Variants in UNC45B observed in about 807,000 individuals in gnomAD.
The protein encoded by UNC45B is protein unc-45 homolog B.
A neutral mutation model predicts 98.7 loss-of-function variants in UNC45B; 78 were observed. The observed-to-expected ratio is 0.79, with a 90% CI of 0.66 to 0.95. UNC45B has a LOEUF of 0.95. Ranked by LOEUF, UNC45B falls within the 40% of genes least tolerant of loss-of-function variation. The probability of loss-of-function intolerance (pLI) is 0.00; values close to 1 mark genes in which losing one functional copy is unlikely to be tolerated. For synonymous variants in UNC45B, 462 were observed against 480.4 expected, an observed-to-expected ratio of 0.96 and a Z score of 0.50; for missense variants, 1,225 against 1,184.9, an observed-to-expected ratio of 1.03 and a Z score of -0.50.
intron 1 of UNC45B, 30 bp from the exon 2 acceptor site, chr17:35,148,234 G>C (rs764497527): frequency 6.2e-7 from 1 of 1,613,024 alleles, no homozygotes; most frequent in African/African-American, 1.3e-5. Flanking sequence ...GTGAGGGGCT[G>C]ACCAGACAGA....
In UNC45B at chr17:35,187,821, GCTAAGAT is replaced by G. The variant is rs1188661389; in HGVS notation, c.*1266_*1272del. On this transcript the variant is annotated 3_prime_UTR_variant, in exon 20 of 20. Transcript: ENST00000394570. ...TTGCCTTTTTAGCATGGTTAAGATA[GCTAAGAT>G]CTAGTACTGTCACTCCAGTATGTCC... The G allele has an allele frequency of 6.6e-6, 1 of 152,250 alleles. No individual in the cohort carries two copies. The highest frequency in any genetic ancestry group is 1.5e-5 in the Non-Finnish European group (1 of 68,044). 9.4% of individuals were successfully genotyped at this position (152,250 alleles called of 1,614,324 possible). A position where few individuals can be genotyped will look rare whatever the true frequency, so the allele number is the denominator to read the frequency against.
rs1263637986 is a variant in UNC45B at position 35,187,189 on chromosome 17, A to G, written c.*630A>G. ...GATGGACATGATGAATACAAATAAG[A>G]TCTACTCAAAGTACTTCAAACAAAA... On this transcript the variant is annotated 3_prime_UTR_variant, in exon 20 of 20. Coordinates refer to ENST00000394570, the MANE Select transcript of UNC45B (RefSeq NM_001267052.2). 1 of 152,826 alleles carries G rather than the reference A, an allele frequency of 6.5e-6. No homozygotes were observed. Among genetic ancestry groups the G allele is most frequent in the Admixed American group, 6.5e-5 (1 of 15,290 alleles). 9.5% of individuals were successfully genotyped at this position (152,826 alleles called of 1,614,324 possible).
In UNC45B at chr17:35,177,148, T is replaced by C. The variant is rs142465283; in HGVS notation, c.2139+18T>C. 192 of 1,608,596 alleles carry C rather than the reference T, an allele frequency of 1.2e-4. No homozygotes were observed. In the African/African-American group the frequency reaches 1.9e-3, roughly 16 times the overall value. On this transcript the variant is annotated intron_variant, in intron 16 of 19. Coordinates refer to ENST00000394570, the MANE Select transcript of UNC45B (RefSeq NM_001267052.2). ...GGGAGCGGGTAGGTGCTTGGGTAGA[T>C]GGGATAGGGCAATGGGAGGGGTCTC...
In UNC45B at chr17:35,164,145, A is replaced by G. The variant is rs41389545; in HGVS notation, c.1130A>G (p.Lys377Arg). 9.6e-3 allele frequency: 15,407 copies of G among 1,612,850 alleles called. 84 individuals are homozygous for G. The highest frequency in any genetic ancestry group is 0.011 in the Non-Finnish European group (13,226 of 1,179,386). Residue 377 changes from lysine (K) to arginine (R), a missense_variant, in exon 9 of 20, where the codon AAG becomes AGG. Coordinates refer to ENST00000394570, the MANE Select transcript of UNC45B (RefSeq NM_001267052.2). ...RCDPERDHFR[K>R]ICEEYITGKF... ...GACCCGGAGCGCGATCACTTCCGCAAGATCTGTGAGGAATATATCACGTAA... is the reference window on the plus strand; with the variant it reads ...GACCCGGAGCGCGATCACTTCCGCAGGATCTGTGAGGAATATATCACGTAA...
chr17:35,174,495 C>A, intron 14 of UNC45B, 126 bp downstream of exon 14: 1 of 1,370,854 alleles, frequency 7.3e-7, no homozygotes, highest in African/African-American at 1.4e-5. Flanking sequence ...TTGGGAAAGC[C>A]TGGAGAAAGG....
intron 17 of UNC45B, 49 bp from the exon 18 acceptor site, chr17:35,180,510 T>C (rs1271174832): frequency 2.6e-6 from 4 of 1,513,048 alleles, no homozygotes; most frequent in Non-Finnish European, 3.6e-6. Flanking sequence ...ACCCCTATGG[T>C]CACGGCAGAA....
At chr17:35,184,875 C>T (rs1042950763) in intron 19 of UNC45B, among the ~76,000 whole-genome samples, 1 of 152,144 alleles carries the variant, frequency 6.6e-6, no homozygotes, top group Non-Finnish European at 1.5e-5. Context: ...CACCCCATGG[C>T]CATGTTGGAT....
chr17:35,163,272 C>G (rs2092114355), intron 8 of UNC45B, among the ~76,000 whole-genome samples: 1 of 152,196 alleles, frequency 6.6e-6, no homozygotes, highest in African/African-American at 2.4e-5. Context: ...TATCACATCT[C>G]ATTGCAATCT....
chr17:35,172,847 T>C (rs2092197694), intron 13 of UNC45B, among the ~76,000 whole-genome samples: 1 of 152,150 alleles, frequency 6.6e-6, no homozygotes, highest in Non-Finnish European at 1.5e-5. Flanking sequence ...AATATACGCA[T>C]CATTTAGTCT....
chr17:35,150,301 G>A, intron 4 of UNC45B, 78 bp downstream of exon 4: 1 of 1,488,326 alleles, frequency 6.7e-7, no homozygotes, highest in Non-Finnish European at 9.0e-7. Flanking sequence ...TTAGGGAGGT[G>A]GGTCATCAGG....
chr17:35,181,151 G>A (rs990512675), intron 18 of UNC45B, among the ~76,000 whole-genome samples: 3 of 152,166 alleles, frequency 2.0e-5, no homozygotes, highest in African/African-American at 7.2e-5. Flanking sequence ...CATAGAAATT[G>A]CAATGCAATA....
chr17:35,171,915 G>C (rs1285715276), intron 13 of UNC45B, among the ~76,000 whole-genome samples: 1 of 152,120 alleles, frequency 6.6e-6, no homozygotes, highest in African/African-American at 2.4e-5. Flanking sequence ...ACAATTCCCT[G>C]CACATGAAGA....
chr17:35,166,154 G>C (rs996914588), intron 9 of UNC45B, among the ~76,000 whole-genome samples: 8 of 148,874 alleles, frequency 5.4e-5, no homozygotes, highest in African/African-American at 7.5e-5. Context: ...TGTAGTCTCA[G>C]CTACTTGGGA....
chr17:35,176,135 G>C (rs1390297949), intron 15 of UNC45B, 101 bp downstream of exon 15: 2 of 1,176,588 alleles, frequency 1.7e-6, no homozygotes, highest in East Asian at 2.4e-5. Context: ...CCTGGAATAC[G>C]GCCACCAGTT....
chr17:35,158,842 T>A (rs186550851), intron 7 of UNC45B, among the ~76,000 whole-genome samples: 28 of 152,280 alleles, frequency 1.8e-4, no homozygotes, highest in Admixed American at 6.5e-4. Flanking sequence ...CATCCTAGAA[T>A]GAGAACAAAA....
chr17:35,183,476 T>C lies in UNC45B; in HGVS notation c.2423T>C (p.Val808Ala). The C allele has an allele frequency of 6.2e-7, 1 of 1,604,498 alleles. No homozygotes were observed. Among genetic ancestry groups the C allele is most frequent in the Non-Finnish European group, 8.5e-7 (1 of 1,174,972 alleles). ...ADGNDRLKLV[V>A]LLCGEDDDKV... The stretch of plus-strand genomic sequence containing the variant: ...GGGAATGACCGGCTGAAGCTGGTGG[T>C]GCTGCTCTGCGGGGAGGATGATGAT... The change falls in exon 19 of 20, where the codon GTG (valine) becomes GCG (alanine). Residue 808 changes from valine to alanine, a missense_variant. Val to Ala is a moderately conservative substitution (Grantham distance 64, BLOSUM62 0). Coordinates refer to ENST00000394570, the MANE Select transcript of UNC45B (RefSeq NM_001267052.2).
At position 35,177,377 on chromosome 17, in the gene UNC45B, G is replaced by A. The variant is rs144592903; in HGVS notation, c.2140-118G>A. On this transcript the variant is annotated intron_variant, in intron 16 of 19. Transcript: ENST00000394570. ...TGCCTGTCAGGATCATTGTGAGGAT[G>A]AAATCAGACAATGTATGAGAAAGTG... 578 of 755,908 alleles carry A rather than the reference G, an allele frequency of 7.6e-4. 1 individual carries two copies. The highest frequency in any genetic ancestry group is 6.5e-3 in the Middle Eastern group (21 of 3,232). 46.8% of individuals were successfully genotyped at this position (755,908 alleles called of 1,614,324 possible).
At chr17:35,170,700 G>A (rs1260331463) in intron 12 of UNC45B, among the ~76,000 whole-genome samples, 1 of 152,200 alleles carries the variant, frequency 6.6e-6, no homozygotes, top group African/African-American at 2.4e-5. Context: ...GCTGGGCGTG[G>A]TGGCACATAC....
Position 35,168,292 on chromosome 17 carries a change from T to G in UNC45B, c.1383T>G (p.Asn461Lys). The change falls in exon 10 of 20, where the codon AAT becomes AAG. Residue 461 changes from asparagine to lysine, a missense_variant. By Grantham distance (94) the Asn-to-Lys change is moderately conservative. Transcript: ENST00000394570. Reference protein sequence around the residue: ...KLSRATFIITNGVSLLKQIYK... With the variant: ...KLSRATFIITKGVSLLKQIYK... ...GCCGCGCCACCTTCATCATCACCAA[T>G]GGAGTGTCACTGCTCAAACAGATCT... 1 of 1,501,890 alleles carries G rather than the reference T, an allele frequency of 6.7e-7. No homozygotes were observed. Among genetic ancestry groups the G allele is most frequent in the Non-Finnish European group, 8.9e-7 (1 of 1,121,162 alleles). 93.0% of individuals were successfully genotyped at this position (1,501,890 alleles called of 1,614,324 possible).
Sources: allele counts gnomAD v4.1 joint callset (sites outside exome capture counted in the v4.1 genomes callset), GRCh38; gene constraint gnomAD v4.1.1; transcripts MANE v1.5; gene names NCBI Gene and HGNC (gene_info 2026-07-23, HGNC 2026-07-21).